Variants in MAP4K4 observed in about 807,000 individuals in gnomAD.
MAP4K4 encodes the protein HPK/GCK-like kinase HGK.
Under a neutral mutation model 189.6 loss-of-function variants are expected in MAP4K4, and 38 were observed. That is an observed-to-expected ratio of 0.20 (90% CI 0.15 to 0.26). The LOEUF (loss-of-function observed/expected upper bound fraction) is 0.26. Among genes scored for constraint, MAP4K4 ranks in the 10% least tolerant of loss-of-function variants. The probability of loss-of-function intolerance (pLI) is 1.00; values close to 1 mark genes in which losing one functional copy is unlikely to be tolerated. For missense variants in MAP4K4, 1,054 were observed against 1,726.9 expected (o/e 0.61, Z 6.91); for synonymous variants, 610 against 624.3 (o/e 0.98, Z 0.34).
intron 23 of MAP4K4, 111 bp from the exon 24 acceptor site, chr2:101,871,383 G>T: frequency 1.2e-6 from 1 of 842,068 alleles, no homozygotes; most frequent in Admixed American, 3.0e-5. Flanking sequence ...TTTTTCCTTG[G>T]TAATTTAGCA....
intron 13 of MAP4K4, 85 bp downstream of exon 13, chr2:101,856,223 CAT>C (rs371511153): frequency 3.8e-4 from 489 of 1,282,604 alleles, no homozygotes; most frequent in African/African-American, 3.6e-3. Context: ...AGTATACACA[CAT>C]GTGATGCATA....
intron 9 of MAP4K4, among the ~76,000 whole-genome samples, chr2:101,837,285 G>T (rs1335948629): frequency 1.3e-5 from 2 of 151,718 alleles, no homozygotes; most frequent in African/African-American, 4.8e-5. Context: ...GTGATTTGCA[G>T]TTCTCTTTCC....
chr2:101,726,776 T>A (rs530126055), intron 2 of MAP4K4, among the ~76,000 whole-genome samples: 15 of 152,308 alleles, frequency 9.8e-5, no homozygotes, highest in African/African-American at 3.6e-4. Context: ...AGAAGAGGAA[T>A]TCATTTTGAC....
exon 25 of MAP4K4, chr2:101,873,701 C>G: frequency 6.2e-7 from 1 of 1,613,278 alleles, no homozygotes; most frequent in Non-Finnish European, 8.5e-7. Flanking sequence ...CTCCTTTACA[C>G]CTTTTATAGA....
At chr2:101,836,528 T>C (rs2149486680) in intron 9 of MAP4K4, among the ~76,000 whole-genome samples, 1 of 151,664 alleles carries the variant, frequency 6.6e-6, no homozygotes, top group East Asian at 2.0e-4. Flanking sequence ...GCAGAGGTTG[T>C]GGTGAGCCGA....
exon 1 of MAP4K4, chr2:101,697,953 G>A (rs1289151489): frequency 6.0e-5 from 22 of 368,424 alleles, no homozygotes; most frequent in Non-Finnish European, 8.0e-5. Context: ...CCGCGGCCCC[G>A]CGAGGAGAGT....
intron 2 of MAP4K4, among the ~76,000 whole-genome samples, chr2:101,706,671 T>C (rs2042478597): frequency 6.6e-6 from 1 of 152,230 alleles, no homozygotes; most frequent in Non-Finnish European, 1.5e-5. Context: ...CCCTGGAGTT[T>C]CCTCATAGCT....
chr2:101,844,670 C>CT (rs2097034152), intron 12 of MAP4K4, among the ~76,000 whole-genome samples: 1 of 152,112 alleles, frequency 6.6e-6, no homozygotes, highest in Admixed American at 6.5e-5. Context: ...GACCTGATTG[C>CT]TTTTCTACTC....
At chr2:101,700,887 C>A (rs1461386794) in intron 2 of MAP4K4, among the ~76,000 whole-genome samples, 1 of 149,630 alleles carries the variant, frequency 6.7e-6, no homozygotes. Context: ...TTTTTTTCCT[C>A]TTTTTAACTA....
chr2:101,837,478 T>C (rs762888031), intron 9 of MAP4K4, among the ~76,000 whole-genome samples: 3 of 152,068 alleles, frequency 2.0e-5, no homozygotes, highest in Non-Finnish European at 4.4e-5. Context: ...CTAATTCCAT[T>C]TACCCCGTGT....
chr2:101,808,232 G>A (rs951187146), intron 3 of MAP4K4, among the ~76,000 whole-genome samples: 2 of 152,168 alleles, frequency 1.3e-5, no homozygotes, highest in Non-Finnish European at 2.9e-5. Context: ...GTGGTGTGGT[G>A]CTGCCTGTGT....
chr2:101,789,145 C>CA (rs1249267111), intron 2 of MAP4K4, among the ~76,000 whole-genome samples: 1 of 152,200 alleles, frequency 6.6e-6, no homozygotes, highest in African/African-American at 2.4e-5. Flanking sequence ...GAAATAAACT[C>CA]ACTGCAGGGG....
intron 8 of MAP4K4, among the ~76,000 whole-genome samples, chr2:101,834,982 GA>G (rs988055517): frequency 6.6e-6 from 1 of 151,448 alleles, no homozygotes; most frequent in South Asian, 2.1e-4. Flanking sequence ...GAGAACAAAG[GA>G]AAAAAAACAC....
At chr2:101,697,896 G>T in exon 1 of MAP4K4, 1 of 156,662 alleles carries the variant, frequency 6.4e-6, no homozygotes, top group South Asian at 1.8e-4. Flanking sequence ...CCGGCCGGCA[G>T]AGAGCCCCGA....
chr2:101,821,138 C>T (rs1190573615), intron 3 of MAP4K4, among the ~76,000 whole-genome samples: 3 of 152,024 alleles, frequency 2.0e-5, no homozygotes, highest in Non-Finnish European at 2.9e-5. Flanking sequence ...ACATTTAAAT[C>T]TCAGATAGAA....
At chr2:101,760,780 G>T (rs1040505682) in intron 2 of MAP4K4, among the ~76,000 whole-genome samples, 3 of 152,128 alleles carry the variant, frequency 2.0e-5, no homozygotes, top group African/African-American at 7.2e-5. Context: ...GAGGTGGGCG[G>T]ATCACCTGAG....
chr2:101,698,000 C>T (rs2035214762), exon 1 of MAP4K4: 3 of 992,856 alleles, frequency 3.0e-6, no homozygotes, highest in South Asian at 1.8e-5. Flanking sequence ...GGAGCGCGGT[C>T]GGCGGCCTGG....
At chr2:101,811,023 G>C (rs796640148) in intron 3 of MAP4K4, among the ~76,000 whole-genome samples, 19 of 152,254 alleles carry the variant, frequency 1.2e-4, no homozygotes, top group African/African-American at 4.3e-4. Context: ...GCATTTTCTT[G>C]ATTTCTTTTA....
chr2:101,700,558 A>G (rs917073278), intron 2 of MAP4K4, among the ~76,000 whole-genome samples: 11 of 152,246 alleles, frequency 7.2e-5, no homozygotes, highest in Admixed American at 5.9e-4. Flanking sequence ...AATTTCAAAC[A>G]TAAAGACTAG....
Sources: gnomAD v4.1 joint callset for allele counts (sites outside exome capture counted in the v4.1 genomes callset) on GRCh38, gnomAD v4.1.1 for gene constraint, MANE v1.5 for transcripts, NCBI Gene and HGNC (gene_info 2026-07-23, HGNC 2026-07-21) for gene names.